HPSE2: variants seen among roughly 807,000 people sequenced by gnomAD.
The protein encoded by HPSE2 is heparanase 2 (inactive).
HPSE2 carries 38 observed loss-of-function variants against 60.5 expected under a neutral mutation model. That is an observed-to-expected ratio of 0.63 (90% confidence interval 0.48 to 0.82). The LOEUF (loss-of-function observed/expected upper bound fraction) is 0.82, where lower values mean the gene tolerates loss of function less well. HPSE2 is among the 40% of genes least tolerant of loss of function. The pLI is 0.00. For synonymous variants in HPSE2, 295 were observed against 293.2 expected (o/e 1.01, Z -0.06); for missense variants, 713 against 740.4 (o/e 0.96, Z 0.43).
chr10:98,940,358 A>T (rs1228775734), intron 3 of HPSE2, among the ~76,000 whole-genome samples: 99 of 138,808 alleles, frequency 7.1e-4, no homozygotes, highest in Admixed American at 1.4e-3. Flanking sequence ...AGAAGAAAAG[A>T]GAGAAGAATC....
At chr10:99,226,228 T>C (rs1233273240) in intron 2 of HPSE2, among the ~76,000 whole-genome samples, 4 of 152,038 alleles carry the variant, frequency 2.6e-5, no homozygotes, top group Non-Finnish European at 5.9e-5. Context: ...TACCTACCTA[T>C]CTAACTCCCA....
intron 3 of HPSE2, among the ~76,000 whole-genome samples, chr10:98,745,158 C>T (rs143113779): frequency 2.5e-4 from 38 of 152,248 alleles, no homozygotes; most frequent in South Asian, 8.3e-4. Context: ...GCCGCGATTG[C>T]GCCACTGTAC....
chr10:98,683,310 A>G (rs542020072), intron 6 of HPSE2, among the ~76,000 whole-genome samples: 1 of 152,122 alleles, frequency 6.6e-6, no homozygotes, highest in South Asian at 2.1e-4. Context: ...ACAAATAGGG[A>G]GAAGAGGGAA....
chr10:99,142,580 G>C (rs1381372866), intron 3 of HPSE2, among the ~76,000 whole-genome samples: 1 of 152,304 alleles, frequency 6.6e-6, no homozygotes, highest in Non-Finnish European at 1.5e-5. Flanking sequence ...AGCAGCTTAG[G>C]AGAAGTGAGA....
At chr10:98,667,064 A>G (rs1013482952) in intron 6 of HPSE2, among the ~76,000 whole-genome samples, 6 of 151,998 alleles carry the variant, frequency 3.9e-5, no homozygotes, top group African/African-American at 1.4e-4. Flanking sequence ...AAATAAGCAC[A>G]ATCAGAAAGA....
intron 3 of HPSE2, among the ~76,000 whole-genome samples, chr10:99,124,348 C>T (rs896611696): frequency 1.3e-5 from 2 of 152,334 alleles, no homozygotes; most frequent in African/African-American, 4.8e-5. Context: ...AACTCACAGC[C>T]TGGCCCCCAT....
the HPSE2 span, among the ~76,000 whole-genome samples, chr10:99,265,458 A>G: frequency 7.2e-5 from 11 of 152,162 alleles, no homozygotes; most frequent in African/African-American, 2.2e-4. Context: ...GGGGAGAGCA[A>G]AAGGAAGAAT....
chr10:99,263,804 A>G, the HPSE2 span, among the ~76,000 whole-genome samples: 8 of 151,896 alleles, frequency 5.3e-5, no homozygotes, highest in African/African-American at 1.9e-4. Flanking sequence ...TCTTGCATGT[A>G]GGTTACAAGC....
chr10:98,986,917 C>T (rs1322434058), intron 3 of HPSE2, among the ~76,000 whole-genome samples: 1 of 152,184 alleles, frequency 6.6e-6, no homozygotes, highest in Non-Finnish European at 1.5e-5. Flanking sequence ...TTTCTCGGCA[C>T]ATAAACCCTC....
intron 3 of HPSE2, among the ~76,000 whole-genome samples, chr10:98,815,001 G>GT (rs1332224495): frequency 6.6e-6 from 1 of 152,222 alleles, no homozygotes; most frequent in Non-Finnish European, 1.5e-5. Flanking sequence ...TGGCCAGGCA[G>GT]TTGCCCGAGC....
chr10:98,601,228 C>G (rs1945417119), intron 9 of HPSE2, among the ~76,000 whole-genome samples: 2 of 152,010 alleles, frequency 1.3e-5, no homozygotes, highest in African/African-American at 2.4e-5. Context: ...CTGCTTTACT[C>G]AAAGTCTATT....
intron 1 of HPSE2, 33 bp downstream of exon 1, chr10:99,235,480 A>C (rs770708309): frequency 3.1e-6 from 5 of 1,611,866 alleles, no homozygotes; most frequent in Non-Finnish European, 4.2e-6. Flanking sequence ...TTACTAAAAA[A>C]TTTTAAATGA....
chr10:99,093,116 T>C (rs1843576026), intron 3 of HPSE2, among the ~76,000 whole-genome samples: 1 of 152,008 alleles, frequency 6.6e-6, no homozygotes, highest in Non-Finnish European at 1.5e-5. Context: ...TAGTCCCACC[T>C]ACTTGGGAGG....
chr10:98,576,521 A>G (rs1944644568), intron 9 of HPSE2, among the ~76,000 whole-genome samples: 1 of 152,170 alleles, frequency 6.6e-6, no homozygotes, highest in African/African-American at 2.4e-5. Flanking sequence ...TACAGCCAGC[A>G]AAAGAGGACA....
intron 3 of HPSE2, among the ~76,000 whole-genome samples, chr10:98,967,438 A>C (rs1268592265): frequency 3.9e-5 from 6 of 152,208 alleles, no homozygotes; most frequent in Non-Finnish European, 8.8e-5. Context: ...TGAGGTTGCA[A>C]CTTCTCTGTG....
intron 3 of HPSE2, among the ~76,000 whole-genome samples, chr10:99,039,190 T>C (rs1232772317): frequency 6.6e-6 from 1 of 152,138 alleles, no homozygotes; most frequent in African/African-American, 2.4e-5. Flanking sequence ...GAAGCAGAAA[T>C]CTGAAGAGGT....
intron 6 of HPSE2, among the ~76,000 whole-genome samples, chr10:98,646,944 T>C (rs1946785825): frequency 6.6e-6 from 1 of 152,176 alleles, no homozygotes; most frequent in African/African-American, 2.4e-5. Flanking sequence ...TCATAGTAAA[T>C]AAACATAAAA....
At chr10:98,530,957 T>C (rs1943112726) in intron 9 of HPSE2, among the ~76,000 whole-genome samples, 1 of 152,156 alleles carries the variant, frequency 6.6e-6, no homozygotes, top group South Asian at 2.1e-4. Flanking sequence ...CTGCCCTTGA[T>C]TTTCTCTACT....
At chr10:99,226,339 T>C (rs1435003492) in intron 2 of HPSE2, among the ~76,000 whole-genome samples, 2 of 152,084 alleles carry the variant, frequency 1.3e-5, no homozygotes, top group Non-Finnish European at 2.9e-5. Flanking sequence ...TCTGTTATTC[T>C]TCAGTTTTGT....
Sources: gnomAD v4.1 joint callset for allele counts (sites outside exome capture counted in the v4.1 genomes callset) on GRCh38, gnomAD v4.1.1 for gene constraint, MANE v1.5 for transcripts, NCBI Gene and HGNC (gene_info 2026-07-23, HGNC 2026-07-21) for gene names.